Variants in USP37 observed in about 807,000 individuals in gnomAD.
USP37 encodes ubiquitin carboxyl-terminal hydrolase 37.
USP37 carries 27 observed loss-of-function variants against 124.0 expected under a neutral mutation model. That is an observed-to-expected ratio of 0.22 (90% confidence interval 0.16 to 0.30). USP37 has a LOEUF of 0.30. USP37 is among the 10% of genes least tolerant of loss of function. USP37 has a pLI of 1.00. For synonymous variants in USP37, 365 were observed against 388.0 expected, an observed-to-expected ratio of 0.94 and a Z score of 0.70; for missense variants, 889 against 1,140.4, an observed-to-expected ratio of 0.78 and a Z score of 3.17.
intron 1 of USP37, among the ~76,000 whole-genome samples, chr2:218,566,610 T>A (rs901856539): frequency 7.9e-5 from 12 of 152,200 alleles, no homozygotes; most frequent in African/African-American, 2.9e-4. Context: ...AATTAATGCT[T>A]ACTGGCCATT....
chr2:218,463,275 TA>T (rs775294361), intron 22 of USP37, 30 bp downstream of exon 22: 20 of 1,599,872 alleles, frequency 1.3e-5, no homozygotes, highest in African/African-American at 8.1e-5. Flanking sequence ...ATTTTACCAT[TA>T]AAAAAATGTA....
At chr2:218,483,135 CA>C (rs1691353987) in intron 16 of USP37, among the ~76,000 whole-genome samples, 2 of 152,144 alleles carry the variant, frequency 1.3e-5, no homozygotes, top group Admixed American at 6.5e-5. Context: ...TTCAAATATA[CA>C]ATTTGAGAGA....
chr2:218,528,697 C>T (rs1348997838), intron 10 of USP37: 1 of 430,274 alleles, frequency 2.3e-6, no homozygotes, highest in African/African-American at 2.0e-5. Context: ...CCATTACCCT[C>T]ACTTTTTACA....
At chr2:218,468,235 G>A (rs141577152) in intron 20 of USP37, among the ~76,000 whole-genome samples, 6 of 149,918 alleles carry the variant, frequency 4.0e-5, no homozygotes, top group African/African-American at 7.4e-5. Context: ...ATGGAGTTTC[G>A]CTCTTGTTGC....
chr2:218,531,439 A>G (rs1314829769), intron 9 of USP37, among the ~76,000 whole-genome samples: 4 of 152,240 alleles, frequency 2.6e-5, no homozygotes, highest in Non-Finnish European at 5.9e-5. Context: ...TTTTCAAAAT[A>G]CTACTGCTCC....
intron 4 of USP37, among the ~76,000 whole-genome samples, chr2:218,554,738 C>A (rs1458101410): frequency 8.0e-6 from 1 of 125,106 alleles, no homozygotes. Flanking sequence ...CAGAGCAAAA[C>A]TTTGTCTCAA....
chr2:218,509,707 T>C (rs1308430963), intron 11 of USP37, among the ~76,000 whole-genome samples: 1 of 152,192 alleles, frequency 6.6e-6, no homozygotes, highest in East Asian at 1.9e-4. Context: ...ATGTTGAAAG[T>C]ATCTCAGCAG....
chr2:218,549,757 C>T (rs1692564261), intron 6 of USP37, 52 bp downstream of exon 6: 4 of 1,559,352 alleles, frequency 2.6e-6, no homozygotes, highest in South Asian at 1.1e-5. Flanking sequence ...AGCCACTGTG[C>T]CTGGCCAACT....
At chr2:218,488,204 AAAAG>A in intron 15 of USP37, 96 bp downstream of exon 15, 4 of 722,862 alleles carry the variant, frequency 5.5e-6, no homozygotes, top group Non-Finnish European at 4.4e-6. Context: ...AAAAGAAAAG[AAAAG>A]AAACTTTGCC....
intron 8 of USP37, among the ~76,000 whole-genome samples, chr2:218,543,685 G>A (rs1574947930): frequency 6.6e-6 from 1 of 151,048 alleles, no homozygotes. Context: ...GTGTGGTGGC[G>A]GGTGCCTGTA....
At chr2:218,515,718 G>C (rs559537181) in intron 10 of USP37, among the ~76,000 whole-genome samples, 1 of 152,272 alleles carries the variant, frequency 6.6e-6, no homozygotes, top group South Asian at 2.1e-4. Flanking sequence ...AAACTAAAGA[G>C]TTTCTGCACA....
chr2:218,549,157 A>ATT (rs1377219352), intron 6 of USP37, among the ~76,000 whole-genome samples: 1 of 152,204 alleles, frequency 6.6e-6, no homozygotes, highest in Non-Finnish European at 1.5e-5. Context: ...TTTTAAGGAC[A>ATT]TATGTAAGTC....
At chr2:218,510,229 A>C in intron 10 of USP37, 89 bp from the exon 11 acceptor site, 1 of 1,411,326 alleles carries the variant, frequency 7.1e-7, no homozygotes, top group South Asian at 1.4e-5. Flanking sequence ...TCAATGTTTA[A>C]GGAAAAAAAT....
At chr2:218,486,990 T>G (rs1691607223) in intron 15 of USP37, among the ~76,000 whole-genome samples, 2 of 152,094 alleles carry the variant, frequency 1.3e-5, no homozygotes, top group African/African-American at 4.8e-5. Flanking sequence ...CCTCCCAAAG[T>G]GCTGGGATTA....
intron 23 of USP37, among the ~76,000 whole-genome samples, chr2:218,457,775 T>C (rs576860341): frequency 9.2e-5 from 14 of 151,876 alleles, no homozygotes; most frequent in Admixed American, 3.9e-4. Flanking sequence ...AGGCCAGGCG[T>C]GGTGGCTCAC....
chr2:218,533,850 A>C (rs1691470754), intron 9 of USP37, among the ~76,000 whole-genome samples: 1 of 152,264 alleles, frequency 6.6e-6, no homozygotes, highest in Non-Finnish European at 1.5e-5. Flanking sequence ...ATTTCAGAGA[A>C]TCGAACAGAT....
intron 8 of USP37, among the ~76,000 whole-genome samples, chr2:218,545,871 A>AT (rs3834140): frequency 6.4e-4 from 97 of 151,194 alleles, no homozygotes; most frequent in African/African-American, 2.2e-3. Flanking sequence ...AAAAGTAAAA[A>AT]TTTTTTTTTT....
chr2:218,479,769 A>G (rs947306321), intron 17 of USP37, 54 bp from the exon 18 acceptor site: 9 of 1,036,192 alleles, frequency 8.7e-6, no homozygotes, highest in Non-Finnish European at 1.2e-5. Context: ...TTAAAGATAT[A>G]TATTTAAATT....
chr2:218,505,339 T>C (rs976303260), intron 11 of USP37, among the ~76,000 whole-genome samples: 2 of 152,164 alleles, frequency 1.3e-5, no homozygotes, highest in African/African-American at 2.4e-5. Flanking sequence ...TTATATACCA[T>C]TCTTTTATAT....
Sources: allele counts gnomAD v4.1 joint callset (sites outside exome capture counted in the v4.1 genomes callset), GRCh38; gene constraint gnomAD v4.1.1; transcripts MANE v1.5; gene names NCBI Gene and HGNC (gene_info 2026-07-23, HGNC 2026-07-21).